Variants in FXN observed in about 807,000 individuals in gnomAD.
FXN encodes the protein frataxin, also known as frataxin, mitochondrial.
FXN carries 14 observed loss-of-function variants against 22.4 expected under a neutral mutation model. That is an observed-to-expected ratio of 0.62 (90% CI 0.41 to 0.98). FXN has a LOEUF of 0.98. Ranked by LOEUF, FXN falls within the 50% of genes least tolerant of loss-of-function variation. FXN has a pLI of 0.00. For missense variants in FXN, 267 were observed against 268.4 expected, an observed-to-expected ratio of 0.99 and a Z score of 0.04; for synonymous variants, 120 against 114.1, an observed-to-expected ratio of 1.05 and a Z score of -0.33.
At chr9:69,062,066 C>T (rs889282920) in intron 3 of FXN, among the ~76,000 whole-genome samples, 2 of 152,156 alleles carry the variant, frequency 1.3e-5, no homozygotes, top group South Asian at 2.1e-4. Context: ...GATGTTTGCA[C>T]ACTTTGTGAA....
intron 4 of FXN, 138 bp from the exon 5 acceptor site, chr9:69,072,473 GC>G: frequency 7.2e-7 from 1 of 1,388,442 alleles, no homozygotes; most frequent in East Asian, 2.4e-5. Context: ...AGATAAGAAG[GC>G]AGATATACAC....
At chr9:69,041,638 G>T (rs952361939) in intron 1 of FXN, among the ~76,000 whole-genome samples, 1 of 152,202 alleles carries the variant, frequency 6.6e-6, no homozygotes, top group African/African-American at 2.4e-5. Context: ...AAGTGCTGTG[G>T]TTTGACAGGG....
intron 4 of FXN, among the ~76,000 whole-genome samples, chr9:69,070,706 T>C (rs898248254): frequency 6.6e-6 from 1 of 152,070 alleles, no homozygotes; most frequent in Non-Finnish European, 1.5e-5. Context: ...CAAATAAAGG[T>C]TGTTTAATAT....
Position 69,073,592 on chromosome 9 carries a change from G to C in FXN, c.*830G>C. The C allele has an allele frequency of 1.0e-6, 1 of 985,402 alleles. No homozygotes were observed. Among genetic ancestry groups the C allele is most frequent in the Non-Finnish European group, 1.2e-6 (1 of 829,964 alleles). 61.0% of individuals were successfully genotyped at this position (985,402 alleles called of 1,614,324 possible). A position where few individuals can be genotyped will look rare whatever the true frequency, so the allele number is the denominator to read the frequency against. ...CATGAAGGGGCAGATAAAGGAAGGA[G>C]ATACTCATGTTGATAAAGAGAGCCC... is the stretch of plus-strand genomic sequence containing the variant. On this transcript the variant is annotated 3_prime_UTR_variant, in exon 5 of 5. Transcript: ENST00000484259.
At chr9:69,042,645 A>G (rs1053441290) in intron 1 of FXN, among the ~76,000 whole-genome samples, 3 of 152,216 alleles carry the variant, frequency 2.0e-5, no homozygotes, top group African/African-American at 7.2e-5. Context: ...GAGTAACTGC[A>G]TTTGACCTTC....
chr9:69,072,858 A>T lies in FXN; in HGVS notation c.*96A>T, dbSNP rs201005872. 3.8e-6 allele frequency: 6 copies of T among 1,559,442 alleles called. No homozygotes were observed. The African/African-American group carries it at 5.5e-5, about 14-fold the overall frequency. On this transcript the variant is annotated 3_prime_UTR_variant, in exon 5 of 5. Transcript: ENST00000484259. The stretch of plus-strand genomic sequence containing the variant: ...CTGTTTTTTGTTGTTGTTGTTGTTT[A>T]TTTTTTTTATTCCTGCTTTTGAGGA...
Position 69,076,960 on chromosome 9 carries a change from G to T in FXN, c.*4198G>T. The T allele has an allele frequency of 1.0e-6, 1 of 958,494 alleles. No homozygotes were observed. The highest frequency in any genetic ancestry group is 1.2e-6 in the Non-Finnish European group (1 of 805,278). The allele number at this position is 958,494 out of a possible 1,614,324, so 59.4% of individuals were successfully genotyped here. On this transcript the variant is annotated 3_prime_UTR_variant, in exon 5 of 5. Transcript: ENST00000484259. ...GACAGAGTCTTGCTCTGTCACCCAG[G>T]CTGGAGTGCAGTGGCACGATCTGGG... is the stretch of plus-strand genomic sequence containing the variant.
rs1251041569 is a variant in FXN, at chr9:69,073,382, A to G, written c.*620A>G. 1.0e-6 allele frequency: 1 copy of G among 986,896 alleles called. No individual in the cohort carries two copies. The highest frequency in any genetic ancestry group is 6.0e-5 in the Admixed American group (1 of 16,576). The allele number at this position is 986,896 out of a possible 1,614,324, so 61.1% of individuals were successfully genotyped here. On this transcript the variant is annotated 3_prime_UTR_variant, in exon 5 of 5. Transcript: ENST00000484259. The stretch of plus-strand genomic sequence containing the variant: ...AGGGAGACCTAGTGCTGTTTCTCCC[A>G]CATATTCACATACGTGTCTGTGTGT...
Position 69,078,887 on chromosome 9 carries a change from C to T in FXN, c.*6125C>T. 1 of 985,556 alleles carries T rather than the reference C, an allele frequency of 1.0e-6. No homozygotes were observed. Among genetic ancestry groups the T allele is most frequent in the Non-Finnish European group, 1.2e-6 (1 of 830,022 alleles). The allele number at this position is 985,556 out of a possible 1,614,324, so 61.1% of individuals were successfully genotyped here. A position where few individuals can be genotyped will look rare whatever the true frequency, so the allele number is the denominator to read the frequency against. On this transcript the variant is annotated 3_prime_UTR_variant, in exon 5 of 5. Transcript: ENST00000484259. ...CATGTTTGTCTTTCCCAGCACTGAC[C>T]TACCATGTGTCACCCCTGCTTGGCT...
rs1832309686 is a variant in FXN, at chr9:69,073,387, T to C, written c.*625T>C. The C allele has an allele frequency of 7.1e-6, 7 of 986,904 alleles. No individual in the cohort carries two copies. The highest frequency in any genetic ancestry group is 8.4e-6 in the Non-Finnish European group (7 of 830,940). 61.1% of individuals were successfully genotyped at this position (986,904 alleles called of 1,614,324 possible). ...GACCTAGTGCTGTTTCTCCCACATA[T>C]TCACATACGTGTCTGTGTGTATATA... On this transcript the variant is annotated 3_prime_UTR_variant, in exon 5 of 5. Coordinates refer to ENST00000484259, the MANE Select transcript of FXN (RefSeq NM_000144.5).
rs1202636505 is a variant in FXN at position 69,074,265 on chromosome 9, C to A, written c.*1503C>A. 6 of 983,224 alleles carry A rather than the reference C, an allele frequency of 6.1e-6. No individual in the cohort carries two copies. Among genetic ancestry groups the A allele is most frequent in the Non-Finnish European group, 7.2e-6 (6 of 828,096 alleles). 60.9% of individuals were successfully genotyped at this position (983,224 alleles called of 1,614,324 possible). ...GGGTTAATCGTATTATACCACATTA[C>A]CTCATTTTAATTTTTACTGACCTGC... On this transcript the variant is annotated 3_prime_UTR_variant, in exon 5 of 5. Transcript: ENST00000484259.
chr9:69,064,509 T>C (rs1832132230), intron 3 of FXN, among the ~76,000 whole-genome samples: 1 of 152,224 alleles, frequency 6.6e-6, no homozygotes, highest in African/African-American at 2.4e-5. Flanking sequence ...AGACTTGTCA[T>C]GTCTGATGTT....
chr9:69,074,499 G>A lies in FXN; in HGVS notation c.*1737G>A, dbSNP rs1888334. On this transcript the variant is annotated 3_prime_UTR_variant, in exon 5 of 5. Coordinates refer to ENST00000484259, the MANE Select transcript of FXN (RefSeq NM_000144.5). ...CAGTGAGTCGAGATCGTACCTGAGC[G>A]ACAGAGCGAGACTCCGTCTCAAAAA... The A allele has an allele frequency of 0.42, 409,585 of 979,366 alleles. 86,794 individuals carry two copies. Among genetic ancestry groups the A allele is most frequent in the East Asian group, 0.57 (4,950 of 8,716 alleles). The allele number at this position is 979,366 out of a possible 1,614,324, so 60.7% of individuals were successfully genotyped here.
intron 1 of FXN, among the ~76,000 whole-genome samples, chr9:69,044,958 T>C (rs1216635939): frequency 6.6e-6 from 1 of 152,242 alleles, no homozygotes; most frequent in Non-Finnish European, 1.5e-5. Flanking sequence ...TGCTATTTCC[T>C]GTTGCCTCTC....
At chr9:69,046,360 C>T (rs368626116) in intron 1 of FXN, 25 bp from the exon 2 acceptor site, 6 of 1,558,306 alleles carry the variant, frequency 3.9e-6, no homozygotes, top group African/African-American at 2.7e-5. Context: ...AAAATAGTAA[C>T]GTACTTCTTA....
intron 1 of FXN, among the ~76,000 whole-genome samples, chr9:69,037,132 T>C (rs1831563987): frequency 6.6e-6 from 1 of 151,670 alleles, no homozygotes; most frequent in Non-Finnish European, 1.5e-5. Flanking sequence ...ACTTAGAAAA[T>C]GGATTTCCTG....
intron 3 of FXN, among the ~76,000 whole-genome samples, chr9:69,057,723 T>C (rs1267852906): frequency 6.6e-6 from 1 of 152,088 alleles, no homozygotes; most frequent in Non-Finnish European, 1.5e-5. Context: ...GAGAGCAGTC[T>C]TTTCCTCCCC....
In FXN at chr9:69,075,459, C is replaced by T. The variant is rs1485851982; in HGVS notation, c.*2697C>T. The T allele has an allele frequency of 1.1e-5, 10 of 924,026 alleles. No individual in the cohort carries two copies. Among genetic ancestry groups the T allele is most frequent in the African/African-American group, 1.8e-5 (1 of 54,738 alleles). The allele number at this position is 924,026 out of a possible 1,614,324, so 57.2% of individuals were successfully genotyped here. On this transcript the variant is annotated 3_prime_UTR_variant, in exon 5 of 5. Transcript: ENST00000484259. ...TGGCCAACAGAGCCATACTCCGTCT[C>T]AAATAAATAAATAAATAAATAAAGG...
chr9:69,044,733 A>G (rs1024422965), intron 1 of FXN, among the ~76,000 whole-genome samples: 1 of 152,090 alleles, frequency 6.6e-6, no homozygotes, highest in African/African-American at 2.4e-5. Context: ...CTTGTGCCCC[A>G]GTGGCTCTTG....
Sources: allele counts gnomAD v4.1 joint callset (sites outside exome capture counted in the v4.1 genomes callset), GRCh38; gene constraint gnomAD v4.1.1; transcripts MANE v1.5; gene names NCBI Gene and HGNC (gene_info 2026-07-23, HGNC 2026-07-21).